Variants in DCDC2B observed in about 807,000 individuals in gnomAD.
DCDC2B encodes doublecortin domain-containing protein 2B.
In DCDC2B, 41 loss-of-function variants were observed where a neutral mutation model predicts 38.9. The observed-to-expected ratio is 1.05, with a 90% CI of 0.82 to 1.37. The LOEUF is 1.37. DCDC2B is among the 40% of genes most tolerant of loss of function. The probability of loss-of-function intolerance (pLI) is 0.00; values close to 1 mark genes in which losing one functional copy is unlikely to be tolerated. For synonymous variants in DCDC2B, 181 were observed against 171.9 expected (o/e 1.05, Z -0.41); for missense variants, 453 against 427.2 (o/e 1.06, Z -0.53).
Position 32,211,913 on chromosome 1 carries a change from C to T in DCDC2B, c.395+76C>T, listed in dbSNP as rs79631029. ...CCAAGAAAATGGTGTTGGGTTTGTT[C>T]TAGGAGCCTCTGGTTACTGTTGGGA... On this transcript the variant is annotated intron_variant, in intron 3 of 8. Transcript: ENST00000409358. 8.4e-6 allele frequency: 13 copies of T among 1,547,906 alleles called. No homozygotes were observed. In the East Asian group the frequency reaches 1.2e-4, roughly 14 times the overall value.
chr1:32,214,477 T>TC (rs1375786486), intron 6 of DCDC2B: 8 of 322,064 alleles, frequency 2.5e-5, no homozygotes, highest in Non-Finnish European at 4.7e-5. Context: ...CACAGCAGGG[T>TC]CCAAGGGAAC....
intron 7 of DCDC2B, chr1:32,215,136 CTCA>C: frequency 1.4e-6 from 1 of 695,660 alleles, no homozygotes; most frequent in Admixed American, 3.3e-5. Flanking sequence ...TGGTACTGAC[CTCA>C]TCATAACTGT....
chr1:32,215,894 T>G lies in DCDC2B; in HGVS notation c.1047T>G (p.Ser349=), dbSNP rs940703939. 1.3e-6 allele frequency: 2 copies of G among 1,550,874 alleles called. No homozygotes were observed. The highest frequency in any genetic ancestry group is 4.9e-5 in the East Asian group (2 of 40,838). ...AISASAPALP[S] ...CAGCCTCAGCCCCAGCTCTGCCATC[T>G]TGAGAGCCAGCAGCTCCAGAGGGCA... Residue 349 remains serine, a synonymous_variant, in exon 9 of 9, where the codon TCT becomes TCG. Transcript: ENST00000409358.
At chr1:32,214,667 T>G in intron 6 of DCDC2B, 130 bp from the exon 7 acceptor site, 1 of 1,359,312 alleles carries the variant, frequency 7.4e-7, no homozygotes, top group South Asian at 1.4e-5. Context: ...GGACGTACTT[T>G]GTGAAGACAG....
At position 32,212,809 on chromosome 1, in the gene DCDC2B, G is replaced by A; in HGVS notation, c.714+16G>A. 1.2e-6 allele frequency: 2 copies of A among 1,613,076 alleles called. No individual in the cohort carries two copies. The highest frequency in any genetic ancestry group is 1.7e-6 in the Non-Finnish European group (2 of 1,179,762). ...CAGGCAGGGGGTAGGTGACGCAGGG[G>A]ACAATGAGGGGTGGGAAGAAGGGGA... On this transcript the variant is annotated intron_variant, in intron 6 of 8. Transcript: ENST00000409358.
chr1:32,210,600 A>G (rs1337822356), intron 1 of DCDC2B, among the ~76,000 whole-genome samples: 1 of 152,164 alleles, frequency 6.6e-6, no homozygotes, highest in Non-Finnish European at 1.5e-5. Context: ...TGGGCAAGTC[A>G]CTTAATTTCT....
In DCDC2B at chr1:32,212,802, C is replaced by T. The variant is rs370971256; in HGVS notation, c.714+9C>T. 1.2e-4 allele frequency: 198 copies of T among 1,613,314 alleles called. 1 individual carries two copies. Among genetic ancestry groups the T allele is most frequent in the South Asian group, 9.7e-4 (88 of 91,022 alleles). On this transcript the variant is annotated intron_variant, in intron 6 of 8. Coordinates refer to ENST00000409358, the MANE Select transcript of DCDC2B (RefSeq NM_001099434.2). ...GGCCCCACAGGCAGGGGGTAGGTGACGCAGGGGACAATGAGGGGTGGGAAG... is the reference window on the plus strand; with the variant it reads ...GGCCCCACAGGCAGGGGGTAGGTGATGCAGGGGACAATGAGGGGTGGGAAG...
intron 7 of DCDC2B, chr1:32,215,147 T>C: frequency 1.5e-6 from 1 of 653,772 alleles, no homozygotes; most frequent in Non-Finnish European, 2.5e-6. Context: ...TCATCATAAC[T>C]GTCTCCAGCT....
At position 32,212,524 on chromosome 1, in the gene DCDC2B, G is replaced by C; in HGVS notation, c.562G>C (p.Gly188Arg). 2 of 1,614,072 alleles carry C rather than the reference G, an allele frequency of 1.2e-6. No homozygotes were observed. The highest frequency in any genetic ancestry group is 1.1e-5 in the South Asian group (1 of 91,090). ...CCTAGAGGGGCTCCCACTGTCAGCA[G>C]GGAAGGAGCTGGTAACTGGCCATTA... is the stretch of plus-strand genomic sequence containing the variant. ...CTLEGLPLSA[G>R]KELVTGHYYV... The change falls in exon 5 of 9, where the codon GGG becomes CGG. Residue 188 changes from glycine (G) to arginine (R), a missense_variant. Coordinates refer to ENST00000409358, the MANE Select transcript of DCDC2B (RefSeq NM_001099434.2).
Position 32,211,824 on chromosome 1 carries a change from C to G in DCDC2B, c.382C>G (p.Pro128Ala). Residue 128 changes from proline to alanine, a missense_variant, in exon 3 of 9, where the codon CCC (proline) becomes GCC (alanine). Physicochemically the swap from Pro to Ala is conservative, Grantham distance 27. Transcript: ENST00000409358. Reference sequence around the variant, plus strand: ...TGGACGGCAGCTGCCTGCAGGTGCTCCCAGCTATATCCAGTGAGTGCCAGT... The same window carrying G: ...TGGACGGCAGCTGCCTGCAGGTGCTGCCAGCTATATCCAGTGAGTGCCAGT... ...AIGRQLPAGAPSYIHVFRNGD... is the reference protein window; with the variant it reads ...AIGRQLPAGAASYIHVFRNGD... The G allele has an allele frequency of 6.2e-7, 1 of 1,609,426 alleles. No individual in the cohort carries two copies. The highest frequency in any genetic ancestry group is 8.5e-7 in the Non-Finnish European group (1 of 1,178,030).
Position 32,212,491 on chromosome 1 carries a change from CT to C in DCDC2B, c.530del (p.Leu177ProfsTer4). 2 of 1,613,918 alleles carry C rather than the reference CT, an allele frequency of 1.2e-6. No individual in the cohort carries two copies. The highest frequency in any genetic ancestry group is 1.7e-6 in the Non-Finnish European group (2 of 1,179,792). On this transcript the variant is annotated frameshift_variant and splice_region_variant, in exon 5 of 9. Transcript: ENST00000409358. LOFTEE classifies it high-confidence loss of function. ...ATCCTCCTCACCTCTCTCTCCCAGA[CT>C]CTGCACCCTAGAGGGGCTCCCACTG... ...VKLQSGAVCK[L>X]CTLEGLPLSA...
At chr1:32,214,454 T>C (rs907811067) in intron 6 of DCDC2B, 14 of 240,002 alleles carry the variant, frequency 5.8e-5, no homozygotes, top group African/African-American at 1.1e-4. Flanking sequence ...GGAGAGAGAA[T>C]TGGTATATTT....
At chr1:32,209,390 A>G in intron 1 of DCDC2B, 31 bp downstream of exon 1, 1 of 1,609,638 alleles carries the variant, frequency 6.2e-7, no homozygotes, top group Non-Finnish European at 8.5e-7. Context: ...CAAACAGCCT[A>G]GCAAGGGAGG....
chr1:32,213,764 C>T (rs1643682177), intron 6 of DCDC2B, among the ~76,000 whole-genome samples: 1 of 151,994 alleles, frequency 6.6e-6, no homozygotes. Flanking sequence ...CCCACCTCAG[C>T]CTCCCAAAGT....
At position 32,212,762 on chromosome 1, in the gene DCDC2B, C is replaced by G. The variant is rs373873230; in HGVS notation, c.683C>G (p.Pro228Arg). Residue 228 changes from proline (P) to arginine (R), a missense_variant, in exon 6 of 9, where the codon CCA (proline) becomes CGA (arginine). Transcript: ENST00000409358. ...PSLPRGCWQP[P>R]GSKSRPHRQG... ...TCCTTTTGTCATTGTAGGCAACCTC[C>G]AGGCTCGAAGTCTAGGCCCCACAGG... 18 of 1,613,836 alleles carry G rather than the reference C, an allele frequency of 1.1e-5. No homozygotes were observed. In the African/African-American group the frequency reaches 2.4e-4, roughly 22 times the overall value.
chr1:32,210,195 C>T (rs1396519328), intron 1 of DCDC2B, among the ~76,000 whole-genome samples: 1 of 152,012 alleles, frequency 6.6e-6, no homozygotes, highest in Non-Finnish European at 1.5e-5. Context: ...AGCGTAGTGG[C>T]GCATGTCTGT....
chr1:32,209,479 G>C, intron 1 of DCDC2B, 120 bp downstream of exon 1: 1 of 1,443,760 alleles, frequency 6.9e-7, no homozygotes, highest in Non-Finnish European at 9.3e-7. Flanking sequence ...CTATGTAGGG[G>C]GGGTGGTTTT....
intron 6 of DCDC2B, among the ~76,000 whole-genome samples, chr1:32,213,071 T>C (rs1384451565): frequency 1.3e-5 from 2 of 151,992 alleles, no homozygotes; most frequent in South Asian, 2.1e-4. Flanking sequence ...TAATTTTGTA[T>C]ATTTTTAGTA....
At chr1:32,212,047 C>T (rs1279880751) in intron 3 of DCDC2B, 23 bp from the exon 4 acceptor site, 14 of 1,605,636 alleles carry the variant, frequency 8.7e-6, no homozygotes, top group Non-Finnish European at 1.2e-5. Flanking sequence ...GGACACTCCC[C>T]CTTACCAGGC....
Sources: gnomAD v4.1 joint callset for allele counts (sites outside exome capture counted in the v4.1 genomes callset) on GRCh38, gnomAD v4.1.1 for gene constraint, MANE v1.5 for transcripts, NCBI Gene and HGNC (gene_info 2026-07-23, HGNC 2026-07-21) for gene names.